MARCHF8: variants seen among roughly 807,000 people sequenced by gnomAD.
MARCHF8 encodes E3 ubiquitin-protein ligase MARCHF8.
In MARCHF8, 40 loss-of-function variants were observed where a neutral mutation model predicts 51.6. The observed-to-expected ratio is 0.77, with a 90% CI of 0.60 to 1.01. The LOEUF (loss-of-function observed/expected upper bound fraction) is 1.01. Ranked by LOEUF, MARCHF8 falls within the 50% of genes least tolerant of loss-of-function variation. The probability of loss-of-function intolerance (pLI) is 0.00; values close to 1 mark genes in which losing one functional copy is unlikely to be tolerated. For missense variants in MARCHF8, 685 were observed against 708.6 expected (o/e 0.97, Z 0.38); for synonymous variants, 263 against 280.3 (o/e 0.94, Z 0.62).
At chr10:45,504,577 G>A (rs959473213) in intron 2 of MARCHF8, among the ~76,000 whole-genome samples, 13 of 152,154 alleles carry the variant, frequency 8.5e-5, no homozygotes, top group Non-Finnish European at 1.6e-4. Context: ...CAAGCCATTA[G>A]CACAAAGCTA....
intron 2 of MARCHF8, among the ~76,000 whole-genome samples, chr10:45,501,947 C>T (rs899774620): frequency 6.6e-6 from 1 of 152,142 alleles, no homozygotes; most frequent in South Asian, 2.1e-4. Flanking sequence ...TTACTACACA[C>T]CTATCAGAAT....
chr10:45,589,399 G>GC (rs2044653322), intron 1 of MARCHF8, among the ~76,000 whole-genome samples: 1 of 152,108 alleles, frequency 6.6e-6, no homozygotes, highest in Non-Finnish European at 1.5e-5. Context: ...TGGCATCTTT[G>GC]TTAAAAAAAA....
chr10:45,529,896 C>T (rs555365060), intron 2 of MARCHF8, among the ~76,000 whole-genome samples: 2 of 152,272 alleles, frequency 1.3e-5, no homozygotes, highest in Admixed American at 1.3e-4. Context: ...TCTCAAAGAA[C>T]TAATAGAAAT....
At chr10:45,553,092 C>G (rs2044213332) in intron 1 of MARCHF8, 1 of 152,050 alleles carries the variant, frequency 6.6e-6, no homozygotes, top group Admixed American at 6.6e-5. Flanking sequence ...AGAATCCTGG[C>G]TAGGTGCAAT....
At chr10:45,569,502 T>C (rs1183428877) in intron 1 of MARCHF8, among the ~76,000 whole-genome samples, 1 of 152,224 alleles carries the variant, frequency 6.6e-6, no homozygotes, top group Non-Finnish European at 1.5e-5. Context: ...TTTAGTTTAC[T>C]AGTATTTTGT....
intron 1 of MARCHF8, among the ~76,000 whole-genome samples, chr10:45,548,575 A>C (rs2044155770): frequency 6.6e-6 from 1 of 152,238 alleles, no homozygotes; most frequent in Admixed American, 6.5e-5. Flanking sequence ...GAATGCAAAA[A>C]TACTGAAAAC....
intron 3 of MARCHF8, 74 bp downstream of exon 3, chr10:45,489,293 A>G: frequency 9.3e-7 from 1 of 1,073,194 alleles, no homozygotes; most frequent in Non-Finnish European, 1.4e-6. Context: ...AAAAAAAAAG[A>G]GTATAAACAC....
chr10:45,512,137 C>G (rs1299357825), intron 2 of MARCHF8, among the ~76,000 whole-genome samples: 1 of 151,526 alleles, frequency 6.6e-6, no homozygotes, highest in Admixed American at 6.6e-5. Context: ...GCCGCGACCC[C>G]GTCTGGGAGG....
At chr10:45,480,883 T>A (rs1433487401) in intron 3 of MARCHF8, among the ~76,000 whole-genome samples, 1 of 152,066 alleles carries the variant, frequency 6.6e-6, no homozygotes, top group Non-Finnish European at 1.5e-5. Flanking sequence ...AGGGCCACCA[T>A]CCTCCCAACT....
intron 1 of MARCHF8, among the ~76,000 whole-genome samples, chr10:45,568,871 A>T (rs904700851): frequency 6.6e-6 from 1 of 151,870 alleles, no homozygotes; most frequent in Non-Finnish European, 1.5e-5. Context: ...GATCGAGACC[A>T]TCTTGGCTAA....
intron 3 of MARCHF8, among the ~76,000 whole-genome samples, chr10:45,467,753 G>A (rs368991743): frequency 6.6e-6 from 1 of 151,740 alleles, no homozygotes; most frequent in African/African-American, 2.4e-5. Flanking sequence ...AGTGTGGCAC[G>A]TGTGAGCCGG....
intron 1 of MARCHF8, among the ~76,000 whole-genome samples, chr10:45,587,478 C>T (rs1000480521): frequency 2.0e-5 from 3 of 151,996 alleles, no homozygotes; most frequent in Non-Finnish European, 4.4e-5. Flanking sequence ...TTGAAAGGTT[C>T]GATGACATTA....
intron 2 of MARCHF8, among the ~76,000 whole-genome samples, chr10:45,530,845 A>G (rs533274513): frequency 1.7e-4 from 26 of 152,318 alleles, no homozygotes; most frequent in African/African-American, 6.3e-4. Context: ...CAAACTCAGA[A>G]TAGTCACACA....
intron 2 of MARCHF8, among the ~76,000 whole-genome samples, chr10:45,494,608 T>TA (rs1564483878): frequency 6.6e-6 from 1 of 152,336 alleles, no homozygotes; most frequent in Non-Finnish European, 1.5e-5. Flanking sequence ...ATTAAATATA[T>TA]AAAAAGTTCT....
intron 1 of MARCHF8, among the ~76,000 whole-genome samples, chr10:45,579,490 T>C (rs1161872719): frequency 1.3e-5 from 2 of 151,004 alleles, no homozygotes; most frequent in African/African-American, 4.9e-5. Flanking sequence ...GAAAAGGACA[T>C]GTACAGCCAA....
Position 45,522,640 on chromosome 10 carries a change from A to C in MARCHF8, c.102+10470T>G, listed in dbSNP as rs12252997. Among the ~76,000 whole-genome samples the C allele has an allele frequency of 4.4e-3, 663 of 152,316 alleles. 9 individuals carry two copies. Among genetic ancestry groups the C allele is most frequent in the African/African-American group, 0.015 (623 of 41,564 alleles). On this transcript the variant is annotated intron_variant, in intron 2 of 7. Transcript: ENST00000453424. ...AAGCCCTGAGGCAAAAGATGCTATT[A>C]AGATGTCCTTGTAATTCTACCACTG...
chr10:45,550,620 CT>C (rs564179389), intron 1 of MARCHF8, among the ~76,000 whole-genome samples: 215 of 152,306 alleles, frequency 1.4e-3, no homozygotes, highest in African/African-American at 4.7e-3. Context: ...ACCTTACCCC[CT>C]GACCATCCGA....
At chr10:45,514,258 G>A (rs1011922062) in intron 2 of MARCHF8, among the ~76,000 whole-genome samples, 5 of 152,204 alleles carry the variant, frequency 3.3e-5, no homozygotes, top group African/African-American at 7.2e-5. Flanking sequence ...GGTTCTACAC[G>A]TCTGTTCCAT....
chr10:45,572,606 C>T (rs951589300), intron 1 of MARCHF8, among the ~76,000 whole-genome samples: 10 of 152,086 alleles, frequency 6.6e-5, no homozygotes, highest in Admixed American at 3.9e-4. Context: ...AGGTGCCTGA[C>T]GTCCAGGCAT....
Sources: gnomAD v4.1 joint callset for allele counts (sites outside exome capture counted in the v4.1 genomes callset) on GRCh38, gnomAD v4.1.1 for gene constraint, MANE v1.5 for transcripts, NCBI Gene and HGNC (gene_info 2026-07-23, HGNC 2026-07-21) for gene names.